Variants in ERBB4 observed in about 807,000 individuals in gnomAD.
The protein encoded by ERBB4 is erb-b2 receptor tyrosine kinase 4, also known as receptor tyrosine-protein kinase erbB-4.
A neutral mutation model predicts 158.0 loss-of-function variants in ERBB4; 42 were observed. The ratio of observed to expected loss-of-function variants is 0.27; its 90% confidence interval spans 0.21 to 0.34. The LOEUF is 0.34. ERBB4 is among the 10% of genes least tolerant of loss of function. The pLI is 1.00. For synonymous variants in ERBB4, 583 were observed against 558.7 expected (o/e 1.04, Z -0.61); for missense variants, 1,333 against 1,624.1 (o/e 0.82, Z 3.08).
intron 1 of ERBB4, among the ~76,000 whole-genome samples, chr2:212,267,253 A>G (rs1022029725): frequency 1.3e-5 from 2 of 152,014 alleles, no homozygotes; most frequent in African/African-American, 4.8e-5. Flanking sequence ...ATGGGAAAAG[A>G]GAATTATCAA....
At chr2:211,812,373 A>G (rs1575182471) in intron 3 of ERBB4, among the ~76,000 whole-genome samples, 1 of 152,224 alleles carries the variant, frequency 6.6e-6, no homozygotes, top group South Asian at 2.1e-4. Flanking sequence ...CAAATATTGC[A>G]GAACAGCAAA....
rs567003857 is a variant in ERBB4, at chr2:212,395,374, T to C, written c.82+143075A>G. 9.2e-5 allele frequency among the ~76,000 whole-genome samples: 14 copies of C among 151,898 alleles called. No individual in the cohort carries two copies. In the South Asian group the frequency reaches 2.5e-3, roughly 27 times the overall value. On this transcript the variant is annotated intron_variant, in intron 1 of 27. Coordinates refer to ENST00000342788, the MANE Select transcript of ERBB4 (RefSeq NM_005235.3). Reference sequence around the variant, plus strand: ...AATATTTTACAATTGGCTGTGAGCTTATAAGCATTGATTATATTATCAAAT... The same window carrying C: ...AATATTTTACAATTGGCTGTGAGCTCATAAGCATTGATTATATTATCAAAT...
intron 1 of ERBB4, among the ~76,000 whole-genome samples, chr2:212,271,655 C>T (rs1183627789): frequency 6.6e-6 from 1 of 151,618 alleles, no homozygotes; most frequent in Non-Finnish European, 1.5e-5. Flanking sequence ...TTTCTTGTTC[C>T]GAACAGCAAG....
chr2:212,192,009 T>C (rs1207667809), intron 1 of ERBB4, among the ~76,000 whole-genome samples: 2 of 42,038 alleles, frequency 4.8e-5, no homozygotes, highest in Non-Finnish European at 1.2e-4. Flanking sequence ...TTATATATAA[T>C]ATATGTTATA....
In ERBB4 at chr2:211,379,076, T is replaced by C. The variant is rs2062530521; in HGVS notation, c.*4539A>G. 4.3e-6 allele frequency: 1 copy of C among 231,316 alleles called. No individual in the cohort carries two copies. The highest frequency in any genetic ancestry group is 1.8e-4 in the South Asian group (1 of 5,514). The allele number at this position is 231,316 out of a possible 1,614,324, so 14.3% of individuals were successfully genotyped here. A position where few individuals can be genotyped will look rare whatever the true frequency, so the allele number is the denominator to read the frequency against. ...AAAGTCCAAAAGAATGGCAATGCAA[T>C]AGTTTGAAACGCTTGGTTTAGCATT... On this transcript the variant is annotated 3_prime_UTR_variant, in exon 28 of 28. Transcript: ENST00000342788.
intron 2 of ERBB4, among the ~76,000 whole-genome samples, chr2:212,085,657 CTT>C (rs916203616): frequency 4.6e-5 from 7 of 151,752 alleles, no homozygotes; most frequent in African/African-American, 1.5e-4. Context: ...AAACTGGAAA[CTT>C]TGAGAGTTGA....
intron 3 of ERBB4, among the ~76,000 whole-genome samples, chr2:211,842,687 C>T (rs192381854): frequency 7.2e-5 from 11 of 152,062 alleles, no homozygotes; most frequent in Non-Finnish European, 1.6e-4. Context: ...CACCTCCCGC[C>T]ACTGACACAA....
intron 2 of ERBB4, among the ~76,000 whole-genome samples, chr2:212,046,042 C>T (rs929855394): frequency 2.0e-5 from 3 of 152,102 alleles, no homozygotes; most frequent in Non-Finnish European, 4.4e-5. Flanking sequence ...CATGATCCAC[C>T]ATTTGCCTCT....
chr2:212,491,247 A>G (rs575572382), intron 1 of ERBB4, among the ~76,000 whole-genome samples: 1 of 151,820 alleles, frequency 6.6e-6, no homozygotes, highest in South Asian at 2.1e-4. Context: ...ATTTGCATAC[A>G]GAACCTATTA....
intron 5 of ERBB4, among the ~76,000 whole-genome samples, chr2:211,742,208 C>G (rs1238468533): frequency 6.6e-6 from 1 of 152,198 alleles, no homozygotes; most frequent in African/African-American, 2.4e-5. Flanking sequence ...TTTCTCTGCT[C>G]TAATTGGATA....
chr2:211,940,998 C>A (rs2080478588), intron 3 of ERBB4, among the ~76,000 whole-genome samples: 1 of 152,094 alleles, frequency 6.6e-6, no homozygotes, highest in African/African-American at 2.4e-5. Context: ...ATGTTTCTAT[C>A]GACTGGTATT....
chr2:211,827,216 A>T (rs914241731), intron 3 of ERBB4, among the ~76,000 whole-genome samples: 1 of 152,000 alleles, frequency 6.6e-6, no homozygotes, highest in Non-Finnish European at 1.5e-5. Context: ...TCTTCTCATT[A>T]TCTCCAGCTC....
chr2:211,990,980 G>A (rs2082061157), intron 2 of ERBB4, among the ~76,000 whole-genome samples: 2 of 151,692 alleles, frequency 1.3e-5, no homozygotes, highest in South Asian at 2.1e-4. Flanking sequence ...ACAAATTTTA[G>A]CATACATAAT....
chr2:212,054,771 A>G (rs1455393462), intron 2 of ERBB4, among the ~76,000 whole-genome samples: 3 of 152,160 alleles, frequency 2.0e-5, no homozygotes, highest in African/African-American at 4.8e-5. Context: ...TCAGAGAAGG[A>G]GAGGAAGTAT....
At chr2:211,889,307 A>T (rs201242501) in intron 3 of ERBB4, among the ~76,000 whole-genome samples, 1 of 142,410 alleles carries the variant, frequency 7.0e-6, no homozygotes, top group Non-Finnish European at 1.5e-5. Context: ...CTCACACGGC[A>T]GGGTATTCCA....
Position 212,027,368 on chromosome 2 carries a change from G to A in ERBB4, c.235-79752C>T, listed in dbSNP as rs80183178. On this transcript the variant is annotated intron_variant, in intron 2 of 27. Transcript: ENST00000342788. ...AATCAAAGGTGCATAAGTCAAATTG[G>A]GTATTTATTTTTTTATTTCATAGAA... Among the ~76,000 whole-genome samples, 1,270 of 151,890 alleles carry A rather than the reference G, an allele frequency of 8.4e-3. 19 individuals are homozygous for A. The highest frequency in any genetic ancestry group is 0.029 in the African/African-American group (1,207 of 41,478).
At chr2:211,789,504 CTT>C (rs1043341165) in intron 3 of ERBB4, among the ~76,000 whole-genome samples, 12 of 152,116 alleles carry the variant, frequency 7.9e-5, no homozygotes, top group Admixed American at 5.2e-4. Flanking sequence ...GAAGCTGTGA[CTT>C]TTTATTTGAG....
intron 2 of ERBB4, among the ~76,000 whole-genome samples, chr2:211,977,531 T>TAAAAAAAAAAAAAAAA (rs370595284): frequency 5.9e-5 from 4 of 67,620 alleles, no homozygotes; most frequent in Admixed American, 2.7e-4. Flanking sequence ...ATATTGACTT[T>TAAAAAAAAAAAAAAAA]AAAAAAAAAA....
chr2:211,667,443 G>GA lies in ERBB4; in HGVS notation c.1717-1967dup, dbSNP rs561735051. 9.8e-3 allele frequency among the ~76,000 whole-genome samples: 1,073 copies of GA among 109,996 alleles called. 13 individuals carry two copies. Among genetic ancestry groups the GA allele is most frequent in the South Asian group, 0.042 (145 of 3,454 alleles). The allele number at this position is 109,996 out of a possible 152,430, so 72.2% of individuals were successfully genotyped here. ...TATTTTGCTGTGAGGCTCAGAGCTCGAAAAAAAAAAAAAAAGCCTATAAAA... is the reference window on the plus strand; with the variant it reads ...TATTTTGCTGTGAGGCTCAGAGCTCGAAAAAAAAAAAAAAAAGCCTATAAAA... On this transcript the variant is annotated intron_variant, in intron 14 of 27. Transcript: ENST00000342788.
Sources: gnomAD v4.1 joint callset for allele counts (sites outside exome capture counted in the v4.1 genomes callset) on GRCh38, gnomAD v4.1.1 for gene constraint, MANE v1.5 for transcripts, NCBI Gene and HGNC (gene_info 2026-07-23, HGNC 2026-07-21) for gene names.